Variants in SDK1 observed in about 807,000 individuals in gnomAD.
The protein encoded by SDK1 is sidekick cell adhesion molecule 1.
A neutral mutation model predicts 245.5 loss-of-function variants in SDK1; 157 were observed. The ratio of observed to expected loss-of-function variants is 0.64; its 90% CI spans 0.56 to 0.73. SDK1 has a LOEUF of 0.73. SDK1 is among the 30% of genes least tolerant of loss of function. The pLI is 0.00. For synonymous variants in SDK1, 1,647 were observed against 1,278.5 expected (o/e 1.29, Z -6.15); for missense variants, 3,583 against 3,002.3 (o/e 1.19, Z -4.52).
At chr7:3,497,348 A>G (rs1343517440) in intron 1 of SDK1, among the ~76,000 whole-genome samples, 3 of 152,210 alleles carry the variant, frequency 2.0e-5, no homozygotes, top group African/African-American at 7.2e-5. Flanking sequence ...TTTGTGGGAA[A>G]TGTCAAGCTA....
At chr7:3,820,134 T>A (rs966341348) in intron 4 of SDK1, among the ~76,000 whole-genome samples, 1 of 152,068 alleles carries the variant, frequency 6.6e-6, no homozygotes, top group African/African-American at 2.4e-5. Flanking sequence ...CAATGAATAG[T>A]TTACTCACAT....
chr7:3,518,894 C>A (rs747284855), intron 1 of SDK1, among the ~76,000 whole-genome samples: 1 of 151,888 alleles, frequency 6.6e-6, no homozygotes, highest in African/African-American at 2.4e-5. Flanking sequence ...TGGAAGTAAC[C>A]CATGTCCAAC....
chr7:3,630,832 A>C (rs1346692419), intron 2 of SDK1, among the ~76,000 whole-genome samples: 1 of 151,838 alleles, frequency 6.6e-6, no homozygotes, highest in East Asian at 1.9e-4. Context: ...CATTTTTTCC[A>C]AACTTATCCC....
chr7:3,635,521 A>C (rs1358004285), intron 2 of SDK1, among the ~76,000 whole-genome samples: 1 of 152,242 alleles, frequency 6.6e-6, no homozygotes, highest in Non-Finnish European at 1.5e-5. Flanking sequence ...GAGCAAATAC[A>C]GCGTAGCATA....
intron 5 of SDK1, among the ~76,000 whole-genome samples, chr7:3,912,812 A>T (rs939191304): frequency 6.6e-6 from 1 of 152,212 alleles, no homozygotes; most frequent in African/African-American, 2.4e-5. Context: ...GGAGAAGAAG[A>T]CCCGATTTCT....
At chr7:3,720,945 C>T (rs903617803) in intron 4 of SDK1, among the ~76,000 whole-genome samples, 5 of 152,216 alleles carry the variant, frequency 3.3e-5, no homozygotes, top group Admixed American at 3.3e-4. Flanking sequence ...ATACACACAA[C>T]TGGGATAGAC....
chr7:3,559,536 T>A (rs1779685123), intron 1 of SDK1, among the ~76,000 whole-genome samples: 2 of 152,164 alleles, frequency 1.3e-5, no homozygotes, highest in South Asian at 4.1e-4. Flanking sequence ...GATGTAGTAA[T>A]CAGCTTCCTC....
At chr7:3,938,556 G>A (rs1479096269) in intron 5 of SDK1, among the ~76,000 whole-genome samples, 2 of 151,748 alleles carry the variant, frequency 1.3e-5, no homozygotes, top group Non-Finnish European at 2.9e-5. Context: ...TGAGGCAGGA[G>A]AATGGCGTGA....
intron 29 of SDK1, among the ~76,000 whole-genome samples, chr7:4,146,973 G>A (rs993298661): frequency 3.9e-5 from 6 of 152,168 alleles, no homozygotes; most frequent in South Asian, 4.1e-4. Flanking sequence ...TATAGTGGGC[G>A]CCCTTCTCAG....
At chr7:3,541,267 T>A (rs1779046434) in intron 1 of SDK1, among the ~76,000 whole-genome samples, 1 of 152,240 alleles carries the variant, frequency 6.6e-6, no homozygotes. Context: ...TTTGTGTGAG[T>A]TAGAAATTGT....
intron 1 of SDK1, among the ~76,000 whole-genome samples, chr7:3,386,753 ACTT>A (rs1337973875): frequency 1.3e-5 from 2 of 152,096 alleles, no homozygotes; most frequent in Non-Finnish European, 2.9e-5. Flanking sequence ...CGGGGACTTG[ACTT>A]CTTGCAGGTT....
At chr7:3,612,616 G>A (rs770451088) in intron 1 of SDK1, among the ~76,000 whole-genome samples, 2 of 152,058 alleles carry the variant, frequency 1.3e-5, no homozygotes, top group Admixed American at 6.5e-5. Context: ...AAAACTTTTC[G>A]CTCATGGTAA....
intron 1 of SDK1, among the ~76,000 whole-genome samples, chr7:3,325,436 A>G (rs1177863981): frequency 1.3e-5 from 2 of 152,156 alleles, no homozygotes; most frequent in African/African-American, 4.8e-5. Flanking sequence ...AACGAATACC[A>G]ATTTAAGGAG....
chr7:3,564,829 A>C (rs564989421), intron 1 of SDK1, among the ~76,000 whole-genome samples: 22 of 152,172 alleles, frequency 1.4e-4, no homozygotes, highest in African/African-American at 5.1e-4. Context: ...GAAGAGAGAG[A>C]TGTTCAGCAA....
chr7:3,761,000 G>A (rs1454246612), intron 4 of SDK1, among the ~76,000 whole-genome samples: 3 of 152,166 alleles, frequency 2.0e-5, no homozygotes, highest in Non-Finnish European at 2.9e-5. Context: ...GCTGCTATGA[G>A]CATTTGCCTA....
chr7:4,066,708 C>G (rs1779925282), intron 19 of SDK1, among the ~76,000 whole-genome samples: 1 of 152,318 alleles, frequency 6.6e-6, no homozygotes, highest in East Asian at 1.9e-4. Context: ...CACTAAAAGG[C>G]TCTAAACCTG....
intron 1 of SDK1, among the ~76,000 whole-genome samples, chr7:3,607,681 CGGT>C (rs1402246905): frequency 6.6e-6 from 1 of 152,200 alleles, no homozygotes; most frequent in Non-Finnish European, 1.5e-5. Context: ...ACATTTAAGA[CGGT>C]GGCCTGATTT....
chr7:3,466,583 C>G (rs1233123662), intron 1 of SDK1, among the ~76,000 whole-genome samples: 3 of 150,678 alleles, frequency 2.0e-5, no homozygotes, highest in African/African-American at 7.3e-5. Context: ...ACTCTTATCT[C>G]GATATGAGGA....
chr7:3,950,149 G>T (rs765593399), intron 5 of SDK1, among the ~76,000 whole-genome samples: 1 of 152,238 alleles, frequency 6.6e-6, no homozygotes, highest in African/African-American at 2.4e-5. Context: ...GAGCAGTAGC[G>T]TAAGGCCCGG....
Sources: gnomAD v4.1 joint callset for allele counts (sites outside exome capture counted in the v4.1 genomes callset) on GRCh38, gnomAD v4.1.1 for gene constraint, MANE v1.5 for transcripts, NCBI Gene and HGNC (gene_info 2026-07-23, HGNC 2026-07-21) for gene names.